SERPINB7: variants seen among roughly 807,000 people sequenced by gnomAD.
SERPINB7 encodes serpin family B member 7, also known as serpin B7.
In SERPINB7, 31 loss-of-function variants were observed where a neutral mutation model predicts 37.4. That is an observed-to-expected ratio of 0.83 (90% confidence interval 0.62 to 1.12). The LOEUF (loss-of-function observed/expected upper bound fraction) is 1.12, where lower values mean the gene tolerates loss of function less well. SERPINB7 is among the 50% of genes most tolerant of loss of function. The pLI is 0.00. For synonymous variants in SERPINB7, 163 were observed against 166.1 expected (o/e 0.98, Z 0.14); for missense variants, 521 against 455.3 (o/e 1.14, Z -1.31).
chr18:63,756,241 C>T (rs570618871), intron 1 of SERPINB7, among the ~76,000 whole-genome samples: 1 of 152,172 alleles, frequency 6.6e-6, no homozygotes, highest in African/African-American at 2.4e-5. Context: ...AAAGCCAAGG[C>T]CAGAAATGTT....
At chr18:63,787,013 G>A (rs1380493327) in intron 2 of SERPINB7, among the ~76,000 whole-genome samples, 1 of 151,908 alleles carries the variant, frequency 6.6e-6, no homozygotes, top group Non-Finnish European at 1.5e-5. Context: ...ACATGAGATG[G>A]GATAAGACCC....
intron 1 of SERPINB7, among the ~76,000 whole-genome samples, chr18:63,761,717 G>A (rs916888036): frequency 5.9e-5 from 9 of 152,178 alleles, no homozygotes; most frequent in African/African-American, 2.2e-4. Flanking sequence ...TTTATCAGGG[G>A]TTTCCGCTTT....
intron 1 of SERPINB7, among the ~76,000 whole-genome samples, chr18:63,767,730 T>TG (rs2144591591): frequency 6.6e-6 from 1 of 152,154 alleles, no homozygotes; most frequent in African/African-American, 2.4e-5. Context: ...CTGGAAAAGA[T>TG]TGTGTAATAT....
rs147692318 is a variant in SERPINB7 at position 63,764,198 on chromosome 18, G to A, written c.-19+11078G>A. Among the ~76,000 whole-genome samples, 303 of 152,266 alleles carry A rather than the reference G, an allele frequency of 2.0e-3. 2 individuals are homozygous for A. Among genetic ancestry groups the A allele is most frequent in the African/African-American group, 6.8e-3 (284 of 41,542 alleles). ...GAATTTTTCTCTATCACTTACAGCC[G>A]TGGTTCCCAATATCTTGGGTAGGAT... On this transcript the variant is annotated intron_variant, in intron 1 of 7. Coordinates refer to the SERPINB7 transcript ENST00000336429.
Position 63,785,912 on chromosome 18 carries a change from CACATATATAATATACGTATATAT to C in SERPINB7, c.168+3376_168+3398del, listed in dbSNP as rs750116976. 9.5e-3 allele frequency among the ~76,000 whole-genome samples: 1,077 copies of C among 113,026 alleles called. 32 individuals are homozygous for C. Among genetic ancestry groups the C allele is most frequent in the African/African-American group, 0.031 (762 of 24,830 alleles). 74.1% of individuals were successfully genotyped at this position (113,026 alleles called of 152,430 possible). On this transcript the variant is annotated intron_variant, in intron 2 of 7. Transcript: ENST00000398019. ...TATATATATAATATACGTATATATA[CACATATATAATATACGTATATAT>C]ACACATATATAATATACTTATATAT...
intron 4 of SERPINB7, among the ~76,000 whole-genome samples, chr18:63,795,576 TA>T (rs5825537): frequency 0.14 from 16,358 of 115,678 alleles, 1,470 homozygotes; most frequent in East Asian, 0.45. Context: ...AAAAAAGAAT[TA>T]AAAAAAAAAA....
chr18:63,783,875 C>A (rs1046754883), intron 2 of SERPINB7, among the ~76,000 whole-genome samples: 10 of 152,176 alleles, frequency 6.6e-5, no homozygotes, highest in Middle Eastern at 3.2e-3. Flanking sequence ...TATGGAAAAC[C>A]ATTTATGGGA....
chr18:63,783,186 AAGAGAGAGAGAGAGAGAG>A lies in SERPINB7; in HGVS notation c.168+678_168+695del, dbSNP rs1200340375. Among the ~76,000 whole-genome samples the A allele has an allele frequency of 8.5e-3, 637 of 75,276 alleles. 11 individuals carry two copies. Among genetic ancestry groups the A allele is most frequent in the Non-Finnish European group, 0.012 (463 of 37,600 alleles). The allele number at this position is 75,276 out of a possible 152,430, so 49.4% of individuals were successfully genotyped here. On this transcript the variant is annotated intron_variant, in intron 2 of 7. Coordinates refer to ENST00000398019, the MANE Select transcript of SERPINB7 (RefSeq NM_003784.4). ...CAAAAAGAAAATAAAGAAAGAAAGA[AAGAGAGAGAGAGAGAGAG>A]AGAGAGAGAGAGAGAGAGAGAGAGA...
intron 2 of SERPINB7, among the ~76,000 whole-genome samples, chr18:63,790,352 T>A (rs905446130): frequency 6.6e-6 from 1 of 152,142 alleles, no homozygotes; most frequent in African/African-American, 2.4e-5. Flanking sequence ...CATGGTGAGG[T>A]TGATGACAAC....
intron 2 of SERPINB7, among the ~76,000 whole-genome samples, chr18:63,791,554 T>A (rs975399345): frequency 1.3e-5 from 2 of 152,180 alleles, no homozygotes; most frequent in African/African-American, 4.8e-5. Flanking sequence ...AGCTGCCCAG[T>A]CACTTCAGAA....
intron 2 of SERPINB7, among the ~76,000 whole-genome samples, chr18:63,788,380 C>A (rs1161152095): frequency 6.6e-6 from 1 of 152,108 alleles, no homozygotes; most frequent in Non-Finnish European, 1.5e-5. Context: ...TAAATAAATA[C>A]AGCTCATAGG....
At chr18:63,789,380 CT>C (rs1204282042) in intron 2 of SERPINB7, among the ~76,000 whole-genome samples, 3 of 152,190 alleles carry the variant, frequency 2.0e-5, no homozygotes, top group Non-Finnish European at 4.4e-5. Context: ...CATCTATTTT[CT>C]GACATAGGAT....
intron 1 of SERPINB7, among the ~76,000 whole-genome samples, chr18:63,780,617 A>C (rs73962396): frequency 0.014 from 2,079 of 152,298 alleles, 48 homozygotes; most frequent in African/African-American, 0.048. Flanking sequence ...TGCTTGGATT[A>C]GATATAAAAT....
chr18:63,804,612 A>T lies in SERPINB7; in HGVS notation c.1120A>T (p.Ser374Cys). ...VIRKDDIILF[S>C]GKVSCP ...CAGGAAGGATGACATCATCTTATTC[A>T]GTGGCAAAGTTTCTTGCCCTTGAAA... The change falls in exon 8 of 8, where the codon AGT becomes TGT. Residue 374 changes from serine to cysteine, a missense_variant. Ser to Cys is a moderately radical substitution (Grantham distance 112, BLOSUM62 -1). Coordinates refer to ENST00000398019, the MANE Select transcript of SERPINB7 (RefSeq NM_003784.4). 1 of 1,609,882 alleles carries T rather than the reference A, an allele frequency of 6.2e-7. No homozygotes were observed. The highest frequency in any genetic ancestry group is 8.5e-7 in the Non-Finnish European group (1 of 1,177,604).
At chr18:63,795,875 G>C (rs1269229281) in intron 4 of SERPINB7, among the ~76,000 whole-genome samples, 1 of 152,146 alleles carries the variant, frequency 6.6e-6, no homozygotes, top group Non-Finnish European at 1.5e-5. Flanking sequence ...AAGAGCTTGG[G>C]CTTTGTCTTG....
chr18:63,789,346 T>C (rs888135064), intron 2 of SERPINB7, among the ~76,000 whole-genome samples: 5 of 152,210 alleles, frequency 3.3e-5, no homozygotes, highest in African/African-American at 4.8e-5. Context: ...ACTTTTCATT[T>C]TGGGAGCCCT....
chr18:63,760,047 A>G (rs1398647424), intron 1 of SERPINB7, among the ~76,000 whole-genome samples: 1 of 152,210 alleles, frequency 6.6e-6, no homozygotes, highest in Non-Finnish European at 1.5e-5. Flanking sequence ...GGTAACAGGC[A>G]GAGGTTGGAA....
At chr18:63,765,942 G>A (rs1045411885) in intron 1 of SERPINB7, among the ~76,000 whole-genome samples, 5 of 152,106 alleles carry the variant, frequency 3.3e-5, no homozygotes, top group African/African-American at 4.8e-5. Flanking sequence ...TGGTCTTGCC[G>A]TTAGTGGCTC....
At chr18:63,755,994 G>A (rs567797080) in intron 1 of SERPINB7, among the ~76,000 whole-genome samples, 115 of 151,502 alleles carry the variant, frequency 7.6e-4, no homozygotes, top group Non-Finnish European at 1.4e-3. Context: ...AGTCAAGAAC[G>A]GTGGAAACAA....
Sources: gnomAD v4.1 joint callset for allele counts (sites outside exome capture counted in the v4.1 genomes callset) on GRCh38, gnomAD v4.1.1 for gene constraint, MANE v1.5 for transcripts, NCBI Gene and HGNC (gene_info 2026-07-23, HGNC 2026-07-21) for gene names.